Variants in RFX2 observed in about 807,000 individuals in gnomAD.
RFX2 encodes DNA-binding protein RFX2.
RFX2 carries 20 observed loss-of-function variants against 87.8 expected under a neutral mutation model. That is an observed-to-expected ratio of 0.23 (90% CI 0.16 to 0.33). The LOEUF is 0.33. Among genes scored for constraint, RFX2 ranks in the 10% least tolerant of loss-of-function variants. RFX2 has a pLI of 1.00. For synonymous variants in RFX2, 397 were observed against 431.3 expected (o/e 0.92, Z 0.98); for missense variants, 767 against 1,012.3 (o/e 0.76, Z 3.29).
intron 7 of RFX2, 114 bp downstream of exon 7, chr19:6,015,976 G>A (rs1470187523): frequency 4.0e-6 from 4 of 997,530 alleles, no homozygotes; most frequent in East Asian, 2.7e-5. Flanking sequence ...CACTCCAGAG[G>A]TGGCTGCGAA....
At chr19:6,072,887 G>C in intron 1 of RFX2, 1 of 1,186,994 alleles carries the variant, frequency 8.4e-7, no homozygotes, top group Non-Finnish European at 1.2e-6. Flanking sequence ...GAGTTCATCT[G>C]GCACCAGTCA....
At chr19:6,062,578 C>T (rs549912497) in intron 1 of RFX2, among the ~76,000 whole-genome samples, 1 of 152,228 alleles carries the variant, frequency 6.6e-6, no homozygotes, top group Non-Finnish European at 1.5e-5. Context: ...GTATATAAAT[C>T]GCTTCCCCAA....
At position 6,101,664 on chromosome 19, in the gene RFX2, G is replaced by C. The variant is rs926001462; in HGVS notation, c.-9+8729C>G. Among the ~76,000 whole-genome samples the C allele has an allele frequency of 6.6e-6, 1 of 152,226 alleles. No individual in the cohort carries two copies. Among genetic ancestry groups the C allele is most frequent in the Non-Finnish European group, 1.5e-5 (1 of 68,038 alleles). On this transcript the variant is annotated intron_variant, in intron 1 of 17. Transcript: ENST00000303657. The surrounding 1 kb of genome is among the most constrained non-coding windows in gnomAD (Gnocchi z 4.9). ...CAGGAGACAGGCGTTCATGAGTCAA[G>C]CCTTCTGCCTTTCTGTGGGGACCCA...
chr19:6,041,346 G>A (rs1474920448), intron 4 of RFX2, among the ~76,000 whole-genome samples: 1 of 152,116 alleles, frequency 6.6e-6, no homozygotes, highest in African/African-American at 2.4e-5. Context: ...GAGCCATCCA[G>A]GCCAAATGGA....
rs550381335 is a variant in RFX2, at chr19:6,061,106, C to G, written c.-8-13602G>C. ...TCGCTGGTGACTCAGCCTGCTGTCT[C>G]CACCTGATACCATCTCTGCCTCCCC... is the stretch of plus-strand genomic sequence containing the variant. On this transcript the variant is annotated intron_variant, in intron 1 of 17. Coordinates refer to ENST00000303657, the MANE Select transcript of RFX2 (RefSeq NM_000635.4). The surrounding 1 kb of genome is among the most constrained non-coding windows in gnomAD (Gnocchi z 5.2). 2.0e-5 allele frequency among the ~76,000 whole-genome samples: 3 copies of G among 152,276 alleles called. No individual in the cohort carries two copies. In the East Asian group the frequency reaches 5.8e-4, roughly 29 times the overall value.
intron 1 of RFX2, among the ~76,000 whole-genome samples, chr19:6,067,385 G>A (rs1218323787): frequency 6.6e-6 from 1 of 152,164 alleles, no homozygotes; most frequent in Non-Finnish European, 1.5e-5. Context: ...TTTGCCGGGA[G>A]GGACTTACAG....
At chr19:6,042,513 G>A (rs1361443261) in intron 3 of RFX2, among the ~76,000 whole-genome samples, 1 of 151,354 alleles carries the variant, frequency 6.6e-6, no homozygotes, top group African/African-American at 2.4e-5. Flanking sequence ...TTTTTTGTTT[G>A]TTTGTTTGTT....
At position 6,016,547 on chromosome 19, in the gene RFX2, C is replaced by T. The variant is rs1568507955; in HGVS notation, c.598-276G>A. Among the ~76,000 whole-genome samples, 3 of 152,116 alleles carry T rather than the reference C, an allele frequency of 2.0e-5. No homozygotes were observed. The highest frequency in any genetic ancestry group is 2.0e-4 in the Admixed American group (3 of 15,276). Reference sequence around the variant, plus strand: ...CTGGGATTACAGGTGTCCGACACCACATCTGGCTAGTTTTTGTATTTTTAG... The same window carrying T: ...CTGGGATTACAGGTGTCCGACACCATATCTGGCTAGTTTTTGTATTTTTAG... On this transcript the variant is annotated intron_variant, in intron 6 of 17. Coordinates refer to ENST00000303657, the MANE Select transcript of RFX2 (RefSeq NM_000635.4). This position sits in a 1 kb window ranked among gnomAD's most constrained non-coding sequence, Gnocchi z 5.4.
intron 1 of RFX2, among the ~76,000 whole-genome samples, chr19:6,096,627 T>C (rs935835177): frequency 8.5e-5 from 13 of 152,134 alleles, no homozygotes; most frequent in Non-Finnish European, 1.8e-4. Flanking sequence ...TTTATATTTT[T>C]AGTAGAGACG....
At position 6,050,716 on chromosome 19, in the gene RFX2, C is replaced by T. The variant is rs1047812279; in HGVS notation, c.-8-3212G>A. Among the ~76,000 whole-genome samples, 12 of 151,980 alleles carry T rather than the reference C, an allele frequency of 7.9e-5. 1 individual carries two copies. Among genetic ancestry groups the T allele is most frequent in the Admixed American group, 1.3e-4 (2 of 15,268 alleles). On this transcript the variant is annotated intron_variant, in intron 1 of 17. Coordinates refer to ENST00000303657, the MANE Select transcript of RFX2 (RefSeq NM_000635.4). The surrounding 1 kb of genome is among the most constrained non-coding windows in gnomAD (Gnocchi z 4.6). Reference sequence around the variant, plus strand: ...AACAAACTGTCTAATATATATGTAACGAGAGTCCCAGAAGAGAAAAAGAGA... The same window carrying T: ...AACAAACTGTCTAATATATATGTAATGAGAGTCCCAGAAGAGAAAAAGAGA...
intron 7 of RFX2, 146 bp downstream of exon 7, chr19:6,015,944 G>A: frequency 1.5e-6 from 1 of 661,872 alleles, no homozygotes; most frequent in Non-Finnish European, 2.3e-6. Flanking sequence ...CAAGGCTGCC[G>A]CCAATTGAAA....
rs1288784394 is a variant in RFX2 at position 6,008,227 on chromosome 19, G to T, written c.1016-3C>A. 6.5e-7 allele frequency: 1 copy of T among 1,542,878 alleles called. No individual in the cohort carries two copies. ...CTCGGGGAAGACGTGGGAGACATCT[G>T]GGGGAGGAACACGGGAACATCAGAA... On this transcript the variant is annotated splice_region_variant and splice_polypyrimidine_tract_variant and intron_variant, in intron 9 of 17. Transcript: ENST00000303657.
chr19:6,047,984 T>C lies in RFX2; in HGVS notation c.-8-480A>G, dbSNP rs1265522472. Reference sequence around the variant, plus strand: ...TTGACATTTGAGCTGGATACTTCTTTGCTGTTGGAGGCCCATTCTGGGCAC... The same window carrying C: ...TTGACATTTGAGCTGGATACTTCTTCGCTGTTGGAGGCCCATTCTGGGCAC... On this transcript the variant is annotated intron_variant, in intron 1 of 17. Coordinates refer to ENST00000303657, the MANE Select transcript of RFX2 (RefSeq NM_000635.4). The surrounding 1 kb of genome is among the most constrained non-coding windows in gnomAD (Gnocchi z 4.2). 2.0e-5 allele frequency among the ~76,000 whole-genome samples: 3 copies of C among 152,244 alleles called. No individual in the cohort carries two copies. The highest frequency in any genetic ancestry group is 7.2e-5 in the African/African-American group (3 of 41,476).
rs1275905197 is a variant in RFX2 at position 6,064,705 on chromosome 19, AG to A, written c.-8-17202del. 1.3e-5 allele frequency among the ~76,000 whole-genome samples: 2 copies of A among 152,226 alleles called. No homozygotes were observed. Among genetic ancestry groups the A allele is most frequent in the African/African-American group, 4.8e-5 (2 of 41,452 alleles). On this transcript the variant is annotated intron_variant, in intron 1 of 17. Transcript: ENST00000303657. This position sits in a 1 kb window ranked among gnomAD's most constrained non-coding sequence, Gnocchi z 4.8. ...AGACAGCCAGTGAGGGCAGGGCAAC[AG>A]GCAGTGCATGTTCTTTCCACATCTC...
chr19:6,042,175 C>T lies in RFX2; in HGVS notation c.181-52G>A, dbSNP rs182677836. ...CGCCAGTCACGCCCTCGTGAGTTGC[C>T]TGCAGATTATTCAAGCTAGACGTGT... On this transcript the variant is annotated intron_variant, in intron 3 of 17. Transcript: ENST00000303657. 2.3e-4 allele frequency: 351 copies of T among 1,505,390 alleles called. 1 individual carries two copies. The African/African-American group carries it at 3.8e-3, about 16-fold the overall frequency. 93.3% of individuals were successfully genotyped at this position (1,505,390 alleles called of 1,614,324 possible). A position where few individuals can be genotyped will look rare whatever the true frequency, so the allele number is the denominator to read the frequency against.
rs1028360330 is a variant in RFX2, at chr19:6,027,937, T to A, written c.523-1700A>T. ...CACCACACCCAGCTAATTTTTGTATTTTTTAGCAGAGACGGGATTTCTCTA... is the reference window on the plus strand; with the variant it reads ...CACCACACCCAGCTAATTTTTGTATATTTTAGCAGAGACGGGATTTCTCTA... On this transcript the variant is annotated intron_variant, in intron 5 of 17. Coordinates refer to ENST00000303657, the MANE Select transcript of RFX2 (RefSeq NM_000635.4). This position sits in a 1 kb window ranked among gnomAD's most constrained non-coding sequence, Gnocchi z 5.0. Among the ~76,000 whole-genome samples the A allele has an allele frequency of 6.6e-6, 1 of 152,142 alleles. No individual in the cohort carries two copies. The highest frequency in any genetic ancestry group is 2.4e-5 in the African/African-American group (1 of 41,422).
At chr19:6,018,073 T>C (rs917750100) in intron 6 of RFX2, among the ~76,000 whole-genome samples, 12 of 152,186 alleles carry the variant, frequency 7.9e-5, no homozygotes, top group African/African-American at 2.4e-4. Flanking sequence ...CTTCCAGGCT[T>C]CAAGTGATTC....
chr19:6,102,949 G>C (rs1428770551), intron 1 of RFX2, among the ~76,000 whole-genome samples: 1 of 152,172 alleles, frequency 6.6e-6, no homozygotes, highest in Non-Finnish European at 1.5e-5. Flanking sequence ...CTGGACAAGA[G>C]AGCGAGACTT....
rs2086857988 is a variant in RFX2 at position 6,024,353 on chromosome 19, C to T, written c.597+1810G>A. On this transcript the variant is annotated intron_variant, in intron 6 of 17. Coordinates refer to ENST00000303657, the MANE Select transcript of RFX2 (RefSeq NM_000635.4). This position sits in a 1 kb window ranked among gnomAD's most constrained non-coding sequence, Gnocchi z 5.0. ...AAGACTCCCTTCTCCCTGAGTTCAT[C>T]TACAGGGAGGATGTCATCCAGCAGT... 6.6e-6 allele frequency among the ~76,000 whole-genome samples: 1 copy of T among 152,180 alleles called. No individual in the cohort carries two copies. The highest frequency in any genetic ancestry group is 1.5e-5 in the Non-Finnish European group (1 of 68,030).
Sources: gnomAD v4.1 joint callset for allele counts (sites outside exome capture counted in the v4.1 genomes callset) on GRCh38, gnomAD v4.1.1 for gene constraint, Gnocchi (gnomAD v3.1) non-coding constraint, MANE v1.5 for transcripts, NCBI Gene and HGNC (gene_info 2026-07-23, HGNC 2026-07-21) for gene names.